The following SMIM36 variants were observed in gnomAD, a reference collection of about 807,000 sequenced individuals.
The protein encoded by SMIM36 is small integral membrane protein 36.
chr17:55,457,791 G>T (rs537273245), intron 4 of SMIM36, among the ~76,000 whole-genome samples: 27 of 152,018 alleles, frequency 1.8e-4, no homozygotes, highest in Non-Finnish European at 3.5e-4. Context: ...CTCCCAAAGT[G>T]CTGGGATTAA....
At chr17:55,495,949 T>C (rs573246987) in intron 1 of SMIM36, among the ~76,000 whole-genome samples, 5 of 152,342 alleles carry the variant, frequency 3.3e-5, no homozygotes, top group Non-Finnish European at 5.9e-5. Context: ...AAATCAATTA[T>C]TCCCCTTTGG....
intron 1 of SMIM36, among the ~76,000 whole-genome samples, chr17:55,503,003 G>C (rs1910020250): frequency 6.6e-6 from 1 of 151,246 alleles, no homozygotes; most frequent in Non-Finnish European, 1.5e-5. Flanking sequence ...ATGAAGTGAA[G>C]CGAGAAGGGA....
chr17:55,476,576 TTTTG>T (rs1567865666), intron 3 of SMIM36, among the ~76,000 whole-genome samples: 1 of 151,878 alleles, frequency 6.6e-6, no homozygotes, highest in Non-Finnish European at 1.5e-5. Context: ...TATTTTTTTT[TTTTG>T]TTTGTTTAGA....
chr17:55,491,192 T>G (rs1277841500), intron 1 of SMIM36, among the ~76,000 whole-genome samples: 1 of 138,852 alleles, frequency 7.2e-6, no homozygotes, highest in Non-Finnish European at 1.5e-5. Context: ...CAGTGAGCCA[T>G]GATTGCACCA....
rs1158482650 is a variant in SMIM36, at chr17:55,501,234, T to A, written c.*174+9645A>T. 2.2e-5 allele frequency among the ~76,000 whole-genome samples: 2 copies of A among 92,542 alleles called. 1 individual carries two copies. The highest frequency in any genetic ancestry group is 3.9e-5 in the Non-Finnish European group (2 of 51,512). 60.7% of individuals were successfully genotyped at this position (92,542 alleles called of 152,430 possible). A position where few individuals can be genotyped will look rare whatever the true frequency, so the allele number is the denominator to read the frequency against. ...ATATAATATATATTATATATTATAA[T>A]ATATAATATAGTATTATATTTTATA... On this transcript the variant is annotated intron_variant, in intron 1 of 4. Transcript: ENST00000636752.
In SMIM36 at chr17:55,474,835, C is replaced by T. The variant is rs528504522; in HGVS notation, c.*347+3927G>A. On this transcript the variant is annotated intron_variant, in intron 3 of 4. Coordinates refer to ENST00000636752, the Ensembl canonical transcript of SMIM36. The stretch of plus-strand genomic sequence containing the variant: ...CACTAGGAACTATGTTGAAAAATTT[C>T]GAAAAGGGATTTAAGGGAGACTATG... Among the ~76,000 whole-genome samples the T allele has an allele frequency of 5.9e-5, 9 of 152,168 alleles. No homozygotes were observed. In the South Asian group the frequency reaches 8.3e-4, roughly 14 times the overall value.
At chr17:55,506,025 T>C in intron 1 of SMIM36, among the ~76,000 whole-genome samples, 1 of 58,988 alleles carries the variant, frequency 1.7e-5, no homozygotes, top group Non-Finnish European at 2.6e-5. Flanking sequence ...ACAAGGGATG[T>C]GAAGGACCTC....
chr17:55,459,336 T>A (rs1049369796), intron 4 of SMIM36, among the ~76,000 whole-genome samples: 5 of 152,256 alleles, frequency 3.3e-5, no homozygotes, highest in African/African-American at 7.2e-5. Context: ...TCAAATTTTC[T>A]GCAGCTAGGT....
At chr17:55,456,362 GT>G (rs746099710) in intron 4 of SMIM36, among the ~76,000 whole-genome samples, 6 of 152,144 alleles carry the variant, frequency 3.9e-5, no homozygotes, top group Non-Finnish European at 8.8e-5. Context: ...CTGTGCCTCA[GT>G]TTTCTCATCT....
At chr17:55,490,233 G>C (rs945938517) in intron 1 of SMIM36, among the ~76,000 whole-genome samples, 2 of 152,094 alleles carry the variant, frequency 1.3e-5, no homozygotes, top group African/African-American at 4.8e-5. Context: ...ATCTAAAGTA[G>C]GGTGGAAAAA....
the SMIM36 span, among the ~76,000 whole-genome samples, chr17:55,524,670 T>C: frequency 6.6e-6 from 1 of 152,136 alleles, no homozygotes; most frequent in Non-Finnish European, 1.5e-5. Flanking sequence ...TCTAGTTCAC[T>C]AAAAGTTTCT....
intron 1 of SMIM36, among the ~76,000 whole-genome samples, chr17:55,501,639 G>A (rs1330305420): frequency 7.1e-6 from 1 of 140,854 alleles, no homozygotes; most frequent in Non-Finnish European, 1.5e-5. Flanking sequence ...TACATAATGA[G>A]AAATTTAATA....
intron 3 of SMIM36, among the ~76,000 whole-genome samples, chr17:55,478,322 T>C (rs1368141601): frequency 6.6e-6 from 1 of 151,806 alleles, no homozygotes; most frequent in African/African-American, 2.4e-5. Flanking sequence ...TAGCCTTGAC[T>C]TCCCAGGCTC....
chr17:55,475,739 C>G (rs1909416972), intron 3 of SMIM36, among the ~76,000 whole-genome samples: 1 of 152,214 alleles, frequency 6.6e-6, no homozygotes, highest in Non-Finnish European at 1.5e-5. Flanking sequence ...CCTCCCAATT[C>G]TTAGTCCTTT....
chr17:55,479,244 C>T (rs562280615), intron 2 of SMIM36, among the ~76,000 whole-genome samples: 1 of 152,198 alleles, frequency 6.6e-6, no homozygotes, highest in African/African-American at 2.4e-5. Flanking sequence ...TTGCTTAGGA[C>T]CACAGGCAGG....
chr17:55,459,061 A>T (rs1909087663), intron 4 of SMIM36, among the ~76,000 whole-genome samples: 1 of 152,138 alleles, frequency 6.6e-6, no homozygotes, highest in African/African-American at 2.4e-5. Context: ...ATTCACCCCT[A>T]TACACTACTA....
At chr17:55,482,981 T>C (rs1224570893) in intron 1 of SMIM36, among the ~76,000 whole-genome samples, 2 of 152,252 alleles carry the variant, frequency 1.3e-5, no homozygotes, top group African/African-American at 2.4e-5. Context: ...ACAAAAGTAG[T>C]CTAATAACAT....
chr17:55,503,231 A>G (rs1267020719), intron 1 of SMIM36, among the ~76,000 whole-genome samples: 3 of 105,222 alleles, frequency 2.9e-5, no homozygotes, highest in African/African-American at 4.0e-5. Context: ...GAATGCCACA[A>G]AGATACTCCT....
chr17:55,495,164 G>T (rs745962286), intron 1 of SMIM36, among the ~76,000 whole-genome samples: 1 of 152,148 alleles, frequency 6.6e-6, no homozygotes. Context: ...CCAATTCTTT[G>T]CATGTTTACC....
Sources: gnomAD v4.1 joint callset for allele counts (sites outside exome capture counted in the v4.1 genomes callset) on GRCh38, gnomAD v4.1.1 for gene constraint, MANE v1.5 for transcripts, NCBI Gene and HGNC (gene_info 2026-07-23, HGNC 2026-07-21) for gene names.